The following WDR49 variants were observed in gnomAD, a reference collection of about 807,000 sequenced individuals.
WDR49 encodes WD repeat domain 49, also known as cilia- and flagella-associated protein 337.
A neutral mutation model predicts 119.5 loss-of-function variants in WDR49; 107 were observed. The ratio of observed to expected loss-of-function variants is 0.90; its 90% confidence interval spans 0.77 to 1.05. The LOEUF is 1.05. Ranked by LOEUF, WDR49 falls within the 50% of genes least tolerant of loss-of-function variation. The probability of loss-of-function intolerance (pLI) is 0.00; values close to 1 mark genes in which losing one functional copy is unlikely to be tolerated. For missense variants in WDR49, 1,240 were observed against 1,220.5 expected, an observed-to-expected ratio of 1.02 and a Z score of -0.24; for synonymous variants, 425 against 418.8, an observed-to-expected ratio of 1.01 and a Z score of -0.18.
chr3:167,566,100 G>A (rs2108275177), intron 8 of WDR49, among the ~76,000 whole-genome samples: 1 of 152,274 alleles, frequency 6.6e-6, no homozygotes, highest in East Asian at 1.9e-4. Flanking sequence ...AAAAACAGTT[G>A]AGACTGTGAT....
At chr3:167,574,978 C>T (rs754060038) in intron 8 of WDR49, 54 of 782,628 alleles carry the variant, frequency 6.9e-5, no homozygotes, top group Non-Finnish European at 8.2e-5. Context: ...TAAATAGTGA[C>T]ACGACACACT....
In WDR49 at chr3:167,529,052, C is replaced by T. The variant is rs1238511030; in HGVS notation, c.2406G>A (p.Glu802=). 5.1e-6 allele frequency: 8 copies of T among 1,555,596 alleles called. No homozygotes were observed. The highest frequency in any genetic ancestry group is 3.4e-4 in the Middle Eastern group (2 of 5,802). The change falls in exon 14 of 19, where the codon GAG becomes GAA. Residue 802 remains glutamate, a splice_region_variant and synonymous_variant. Coordinates refer to ENST00000682715, the MANE Select transcript of WDR49 (RefSeq NM_001366157.1). ...AATGTGATAATGTTTTTCAATTTAC[C>T]TCTATATTCCAGATTTTCAACCATC... ...LDGWLKIWNI[E]EYCLNSSKNK... is the part of the protein sequence containing the mutation.
chr3:167,482,753 A>C (rs1750771149), intron 18 of WDR49, among the ~76,000 whole-genome samples: 1 of 152,120 alleles, frequency 6.6e-6, no homozygotes, highest in South Asian at 2.1e-4. Flanking sequence ...TGATCACTGA[A>C]TGTATTTAAG....
chr3:167,519,760 C>T (rs1752361188), intron 16 of WDR49, among the ~76,000 whole-genome samples: 2 of 152,180 alleles, frequency 1.3e-5, no homozygotes, highest in South Asian at 4.2e-4. Context: ...TGTAACAAAG[C>T]TGTACATCCT....
At chr3:167,624,969 G>T (rs1717063937) in intron 3 of WDR49, among the ~76,000 whole-genome samples, 3 of 152,004 alleles carry the variant, frequency 2.0e-5, no homozygotes, top group Non-Finnish European at 4.4e-5. Context: ...ATTACATCCT[G>T]GGTGACTGAG....
chr3:167,575,823 A>G, intron 8 of WDR49, 95 bp downstream of exon 8: 1 of 1,290,308 alleles, frequency 7.8e-7, no homozygotes, highest in South Asian at 1.4e-5. Context: ...CCTTTACTAT[A>G]TTTGTCTTTC....
intron 18 of WDR49, among the ~76,000 whole-genome samples, chr3:167,495,626 A>G (rs1184462787): frequency 1.3e-5 from 2 of 152,096 alleles, no homozygotes; most frequent in African/African-American, 4.8e-5. Flanking sequence ...AATAAAACAT[A>G]ATTTGAAAAA....
chr3:167,550,102 T>C (rs1405588958), intron 10 of WDR49, among the ~76,000 whole-genome samples: 1 of 152,170 alleles, frequency 6.6e-6, no homozygotes, highest in Admixed American at 6.5e-5. Context: ...TGTAGCCTTG[T>C]AGTATAGTTT....
chr3:167,510,780 A>T (rs1313051409), intron 16 of WDR49, among the ~76,000 whole-genome samples: 1 of 151,944 alleles, frequency 6.6e-6, no homozygotes, highest in African/African-American at 2.4e-5. Flanking sequence ...TTTTTTCTTC[A>T]TGTTTCTTGT....
intron 15 of WDR49, among the ~76,000 whole-genome samples, chr3:167,526,458 G>A (rs941253210): frequency 2.0e-5 from 3 of 152,202 alleles, no homozygotes; most frequent in African/African-American, 4.8e-5. Context: ...GCCTCTGTCA[G>A]CAATGCTTTG....
At chr3:167,541,847 G>C (rs1431606877) in intron 10 of WDR49, among the ~76,000 whole-genome samples, 2 of 151,866 alleles carry the variant, frequency 1.3e-5, no homozygotes, top group African/African-American at 4.8e-5. Flanking sequence ...AAGGTAAAGG[G>C]GTGGAAAAAG....
chr3:167,513,282 G>GATT, intron 16 of WDR49, among the ~76,000 whole-genome samples: 1 of 152,254 alleles, frequency 6.6e-6, no homozygotes, highest in African/African-American at 2.4e-5. Context: ...AACCAGAAGA[G>GATT]ATTGGGGGGA....
upstream of WDR49, among the ~76,000 whole-genome samples, chr3:167,657,040 G>T (rs1350627230): frequency 6.6e-6 from 1 of 152,086 alleles, no homozygotes; most frequent in African/African-American, 2.4e-5. Context: ...ACACCCATCT[G>T]TGTCTTTATC....
intron 7 of WDR49, among the ~76,000 whole-genome samples, chr3:167,581,751 G>A (rs568023244): frequency 6.6e-6 from 1 of 152,298 alleles, no homozygotes; most frequent in Admixed American, 6.5e-5. Context: ...ATAAATAGAT[G>A]TGTGAATGGA....
chr3:167,536,802 G>C (rs1197842037), intron 11 of WDR49, 68 bp downstream of exon 11: 1 of 1,335,520 alleles, frequency 7.5e-7, no homozygotes, highest in African/African-American at 1.5e-5. Flanking sequence ...TTCTAAAGGT[G>C]AGTGAGCCAA....
intron 16 of WDR49, among the ~76,000 whole-genome samples, chr3:167,521,847 A>G (rs76862563): frequency 0.039 from 5,912 of 152,218 alleles, 354 homozygotes; most frequent in African/African-American, 0.13. Flanking sequence ...CAACATAGAG[A>G]GACGAGAAGC....
chr3:167,557,723 A>T (rs1476431888), intron 9 of WDR49, among the ~76,000 whole-genome samples: 2 of 145,848 alleles, frequency 1.4e-5, no homozygotes, highest in Non-Finnish European at 1.5e-5. Context: ...ACTGCACTGC[A>T]GCCTGGGCAA....
chr3:167,653,581 T>C (rs1718490407), intron 1 of WDR49, 82 bp from the exon 2 acceptor site: 7 of 814,756 alleles, frequency 8.6e-6, no homozygotes, highest in African/African-American at 1.8e-5. Flanking sequence ...GGAGGCAAAA[T>C]GTTCAAGCTG....
At chr3:167,541,749 T>G (rs1038287770) in intron 10 of WDR49, among the ~76,000 whole-genome samples, 1 of 151,986 alleles carries the variant, frequency 6.6e-6, no homozygotes. Context: ...GCTTAAAGGA[T>G]ACAGAATGCC....
Sources: gnomAD v4.1 joint callset for allele counts (sites outside exome capture counted in the v4.1 genomes callset) on GRCh38, gnomAD v4.1.1 for gene constraint, MANE v1.5 for transcripts, NCBI Gene and HGNC (gene_info 2026-07-23, HGNC 2026-07-21) for gene names.